Variants in POTEE observed in about 807,000 individuals in gnomAD.
The protein encoded by POTEE is ANKRD26-like family C member 1A.
Under a neutral mutation model 74.2 loss-of-function variants are expected in POTEE, and 21 were observed. The ratio of observed to expected loss-of-function variants is 0.28; its 90% CI spans 0.20 to 0.41. The LOEUF (loss-of-function observed/expected upper bound fraction) is 0.41, where lower values mean the gene tolerates loss of function less well. POTEE is among the 10% of genes least tolerant of loss of function. The probability of loss-of-function intolerance (pLI) is 1.00; values close to 1 mark genes in which losing one functional copy is unlikely to be tolerated. For synonymous variants in POTEE, 211 were observed against 432.8 expected (o/e 0.49, Z 6.36); for missense variants, 525 against 1,158.6 (o/e 0.45, Z 7.94).
chr2:131,235,750 C>T (rs1310673972), intron 9 of POTEE, among the ~76,000 whole-genome samples: 6 of 135,912 alleles, frequency 4.4e-5, no homozygotes, highest in African/African-American at 1.4e-4. Context: ...GCTGAGATTG[C>T]GCCACTGCAC....
chr2:131,211,843 A>T (rs1700367015), intron 2 of POTEE, among the ~76,000 whole-genome samples: 1 of 149,458 alleles, frequency 6.7e-6, no homozygotes, highest in Non-Finnish European at 1.5e-5. Context: ...GGCGTGAGCC[A>T]CCACTCCCGG....
chr2:131,222,395 CTG>C (rs1700647393), intron 4 of POTEE, among the ~76,000 whole-genome samples: 1 of 151,694 alleles, frequency 6.6e-6, no homozygotes, highest in African/African-American at 2.4e-5. Flanking sequence ...GCAGCACACA[CTG>C]GGGCCTATTA....
chr2:131,220,758 G>A (rs1700593240), intron 4 of POTEE, among the ~76,000 whole-genome samples: 3 of 151,870 alleles, frequency 2.0e-5, no homozygotes, highest in African/African-American at 7.3e-5. Flanking sequence ...TCAGGAGTTT[G>A]AGACCAGCCT....
At chr2:131,217,837 C>T (rs1188393015) in intron 3 of POTEE, among the ~76,000 whole-genome samples, 154 bp downstream of exon 3, 2 of 150,398 alleles carry the variant, frequency 1.3e-5, no homozygotes, top group Admixed American at 1.3e-4. Flanking sequence ...ACGCGCACGC[C>T]GCACGCGCAT....
chr2:131,210,114 T>G lies in POTEE; in HGVS notation c.-345+295T>G, dbSNP rs185611929. Among the ~76,000 whole-genome samples the G allele has an allele frequency of 9.5e-3, 1,364 of 143,924 alleles. 27 individuals are homozygous for G. The highest frequency in any genetic ancestry group is 0.033 in the African/African-American group (1,229 of 37,514). The allele number at this position is 143,924 out of a possible 152,430, so 94.4% of individuals were successfully genotyped here. ...CTGCACTGCCCGGGGCAGGGAGTGGTTTGGGTGGTTATTTGGAGCTACAAT... is the reference window on the plus strand; with the variant it reads ...CTGCACTGCCCGGGGCAGGGAGTGGGTTGGGTGGTTATTTGGAGCTACAAT... On this transcript the variant is annotated intron_variant, in intron 1 of 17. Transcript: ENST00000683005.
intron 8 of POTEE, among the ~76,000 whole-genome samples, chr2:131,229,201 G>T (rs1367575036): frequency 2.0e-5 from 3 of 152,128 alleles, no homozygotes; most frequent in Admixed American, 6.5e-5. Flanking sequence ...TGAGGCTGTT[G>T]TTGGTCTTTT....
intron 9 of POTEE, among the ~76,000 whole-genome samples, chr2:131,235,824 A>AAAT (rs1701115742): frequency 6.6e-6 from 1 of 150,482 alleles, no homozygotes; most frequent in African/African-American, 2.5e-5. Flanking sequence ...GAAAGAAAAA[A>AAAT]GAAAATAAAT....
intron 9 of POTEE, among the ~76,000 whole-genome samples, chr2:131,235,880 T>G (rs1251295701): frequency 6.6e-6 from 1 of 151,940 alleles, no homozygotes; most frequent in African/African-American, 2.4e-5. Flanking sequence ...GGGAAGACAT[T>G]GTACACTAAT....
intron 4 of POTEE, among the ~76,000 whole-genome samples, chr2:131,221,428 A>G (rs1700613897): frequency 6.6e-6 from 1 of 152,090 alleles, no homozygotes; most frequent in Non-Finnish European, 1.5e-5. Flanking sequence ...ATATAATCAA[A>G]CTTGTTTCTG....
At chr2:131,225,136 G>A (rs1423020451) in intron 6 of POTEE, among the ~76,000 whole-genome samples, 1 of 152,196 alleles carries the variant, frequency 6.6e-6, no homozygotes, top group African/African-American at 2.4e-5. Flanking sequence ...CTTTCAGCTA[G>A]AATTGTGCAT....
Position 131,218,140 on chromosome 2 carries a change from G to T in POTEE, c.-93-170G>T, listed in dbSNP as rs540718007. 4.0e-3 allele frequency: 2,873 copies of T among 715,108 alleles called. 13 individuals are homozygous for T. The highest frequency in any genetic ancestry group is 0.011 in the Admixed American group (356 of 32,298). 44.3% of individuals were successfully genotyped at this position (715,108 alleles called of 1,614,324 possible). ...GCTGGGTGTTTTCTTGGGGGCGGGG[G>T]TTGGCCCTTTCTGGGGTTGGCCCTT... is the stretch of plus-strand genomic sequence containing the variant. On this transcript the variant is annotated intron_variant, in intron 3 of 17. Coordinates refer to ENST00000683005, the MANE Select transcript of POTEE (RefSeq NM_001083538.3).
Position 131,263,963 on chromosome 2 carries a change from C to A in POTEE, c.2508C>A (p.Ile836=). The A allele has an allele frequency of 1.2e-6, 2 of 1,614,204 alleles. No individual in the cohort carries two copies. Among genetic ancestry groups the A allele is most frequent in the Non-Finnish European group, 1.7e-6 (2 of 1,180,038 alleles). The change falls in exon 18 of 18, where the codon ATC becomes ATA. Residue 836 remains isoleucine (I), a synonymous_variant. Coordinates refer to ENST00000683005, the MANE Select transcript of POTEE (RefSeq NM_001083538.3). ...TFNTPAMYVA[I]QAVPSLYTSG... ...ACACCCCAGCCATGTACGTGGCCAT[C>A]CAGGCCGTGCCGTCCCTGTACACCT...
At chr2:131,256,971 G>C (rs1203388256) in intron 16 of POTEE, among the ~76,000 whole-genome samples, 1 of 152,234 alleles carries the variant, frequency 6.6e-6, no homozygotes, top group African/African-American at 2.4e-5. Context: ...CTTCAAACCT[G>C]TTTGTGTCTT....
intron 2 of POTEE, among the ~76,000 whole-genome samples, chr2:131,215,431 G>T (rs1471883811): frequency 6.6e-6 from 1 of 152,042 alleles, no homozygotes; most frequent in African/African-American, 2.4e-5. Context: ...GAGAGAGGGA[G>T]TTTGTGCAAT....
At chr2:131,244,098 CTATTTTATTT>C (rs1250217134) in intron 12 of POTEE, among the ~76,000 whole-genome samples, 18 of 9,274 alleles carry the variant, frequency 1.9e-3, no homozygotes, top group Non-Finnish European at 2.7e-3. Flanking sequence ...GCAAACTTTA[CTATTTTATTT>C]TATTTTATTT....
chr2:131,219,610 G>T (rs904058027), intron 4 of POTEE, among the ~76,000 whole-genome samples: 2 of 151,958 alleles, frequency 1.3e-5, no homozygotes, highest in Admixed American at 6.5e-5. Flanking sequence ...GGTCGTAGAC[G>T]CCTGTAGTCC....
chr2:131,214,339 G>C (rs1397004216), intron 2 of POTEE, among the ~76,000 whole-genome samples: 1 of 152,206 alleles, frequency 6.6e-6, no homozygotes, highest in African/African-American at 2.4e-5. Context: ...TATAAGAAAT[G>C]TTATGAAGGA....
chr2:131,256,939 CAA>C (rs1161880096), intron 16 of POTEE, among the ~76,000 whole-genome samples: 7 of 152,428 alleles, frequency 4.6e-5, no homozygotes, highest in African/African-American at 1.2e-4. Flanking sequence ...TTCAATGAAA[CAA>C]AGTGATTTAT....
intron 8 of POTEE, 42 bp from the exon 9 acceptor site, chr2:131,230,794 G>A: frequency 6.4e-7 from 1 of 1,564,762 alleles, no homozygotes; most frequent in South Asian, 1.2e-5. Context: ...TTTTATATCA[G>A]TATTAAAATA....
Sources: allele counts gnomAD v4.1 joint callset (sites outside exome capture counted in the v4.1 genomes callset), GRCh38; gene constraint gnomAD v4.1.1; transcripts MANE v1.5; gene names NCBI Gene and HGNC (gene_info 2026-07-23, HGNC 2026-07-21).